The following MARCHF1 variants were observed in gnomAD, a reference collection of about 807,000 sequenced individuals.
MARCHF1 encodes the protein membrane associated ring-CH-type finger 1.
In MARCHF1, 40 loss-of-function variants were observed where a neutral mutation model predicts 54.2. That is an observed-to-expected ratio of 0.74 (90% CI 0.57 to 0.96). The LOEUF (loss-of-function observed/expected upper bound fraction) is 0.96, where lower values mean the gene tolerates loss of function less well. Ranked by LOEUF, MARCHF1 falls within the 40% of genes least tolerant of loss-of-function variation. The probability of loss-of-function intolerance (pLI) is 0.00; values close to 1 mark genes in which losing one functional copy is unlikely to be tolerated. For synonymous variants in MARCHF1, 236 were observed against 236.3 expected (o/e 1.00, Z 0.01); for missense variants, 586 against 656.5 (o/e 0.89, Z 1.17).
intron 5 of MARCHF1, among the ~76,000 whole-genome samples, chr4:163,675,016 C>G (rs183900238): frequency 6.6e-6 from 1 of 152,056 alleles, no homozygotes; most frequent in Non-Finnish European, 1.5e-5. Flanking sequence ...ATAAACTTAA[C>G]AAAAGACAGA....
In MARCHF1 at chr4:163,810,981, T is replaced by TTTG. The variant is rs974170538; in HGVS notation, c.111+43037_111+43039dup. On this transcript the variant is annotated intron_variant, in intron 4 of 9. Coordinates refer to ENST00000514618, the MANE Select transcript of MARCHF1 (RefSeq NM_001394959.1). ...ATATTGCTGTTCGTGAGAGGTACTT[T>TTTG]TTGTTGTTGTTGTTAAATTTGGGTT... 1.3e-5 allele frequency among the ~76,000 whole-genome samples: 2 copies of TTTG among 152,076 alleles called. 1 individual carries two copies. The highest frequency in any genetic ancestry group is 2.9e-5 in the Non-Finnish European group (2 of 68,008).
intron 3 of MARCHF1, chr4:163,932,818 T>G (rs911333597): frequency 6.3e-5 from 39 of 619,918 alleles, no homozygotes; most frequent in Admixed American, 9.3e-5. Context: ...CTGGAATTGT[T>G]GGATAAATAT....
chr4:163,949,990 A>C (rs1752102195), intron 3 of MARCHF1, among the ~76,000 whole-genome samples: 2 of 152,206 alleles, frequency 1.3e-5, no homozygotes, highest in Non-Finnish European at 2.9e-5. Context: ...GGGTTTTATG[A>C]ACTTTAGGAG....
chr4:164,028,208 T>G (rs980661759), intron 2 of MARCHF1, among the ~76,000 whole-genome samples: 4 of 152,174 alleles, frequency 2.6e-5, no homozygotes, highest in African/African-American at 9.7e-5. Context: ...TGACCTAGAA[T>G]TCCCATTATT....
At chr4:163,588,240 A>G (rs959903427) in intron 7 of MARCHF1, among the ~76,000 whole-genome samples, 4 of 152,148 alleles carry the variant, frequency 2.6e-5, no homozygotes, top group Non-Finnish European at 5.9e-5. Flanking sequence ...TGAAAGGCCA[A>G]TATGTTAAGG....
chr4:164,265,393 T>G (rs1050498713), intron 1 of MARCHF1, among the ~76,000 whole-genome samples: 3 of 152,000 alleles, frequency 2.0e-5, no homozygotes, highest in African/African-American at 7.3e-5. Context: ...ATTCTTTGTT[T>G]AAGAAATTCT....
chr4:164,156,476 T>C (rs1730080180), intron 1 of MARCHF1, among the ~76,000 whole-genome samples: 1 of 152,118 alleles, frequency 6.6e-6, no homozygotes, highest in African/African-American at 2.4e-5. Context: ...CAGGCTGGAG[T>C]GCAGTGGCAC....
intron 3 of MARCHF1, among the ~76,000 whole-genome samples, chr4:163,879,807 G>GTA (rs1010246119): frequency 2.7e-5 from 4 of 147,652 alleles, no homozygotes; most frequent in African/African-American, 1.0e-4. Context: ...TTAGAGGCGT[G>GTA]TGTGTGTGTG....
intron 2 of MARCHF1, among the ~76,000 whole-genome samples, chr4:164,084,113 A>G (rs1191790403): frequency 6.6e-6 from 1 of 151,982 alleles, no homozygotes; most frequent in Non-Finnish European, 1.5e-5. Flanking sequence ...TCATAGGCAA[A>G]CAAATCGAGG....
intron 8 of MARCHF1, among the ~76,000 whole-genome samples, chr4:163,572,480 A>G (rs1435207822): frequency 6.6e-6 from 1 of 152,162 alleles, no homozygotes; most frequent in Non-Finnish European, 1.5e-5. Flanking sequence ...AACCAGAATT[A>G]AAACCCAACC....
At chr4:163,868,260 GA>G (rs762830854) in intron 3 of MARCHF1, among the ~76,000 whole-genome samples, 1 of 151,716 alleles carries the variant, frequency 6.6e-6, no homozygotes, top group Non-Finnish European at 1.5e-5. Context: ...AAATTAATGA[GA>G]AAAATTTATG....
chr4:163,596,837 T>C (rs1438070571), intron 7 of MARCHF1, among the ~76,000 whole-genome samples: 1 of 152,176 alleles, frequency 6.6e-6, no homozygotes, highest in Non-Finnish European at 1.5e-5. Context: ...AGAATTGTAG[T>C]TTTGCCATTA....
At chr4:163,925,383 A>G (rs116037114) in intron 3 of MARCHF1, among the ~76,000 whole-genome samples, 1,908 of 151,908 alleles carry the variant, frequency 0.013, 32 homozygotes, top group African/African-American at 0.042. Context: ...TGAATGTACT[A>G]TGTACTCCCA....
At chr4:164,170,526 A>G (rs960937036) in intron 1 of MARCHF1, among the ~76,000 whole-genome samples, 2 of 152,120 alleles carry the variant, frequency 1.3e-5, no homozygotes, top group Non-Finnish European at 2.9e-5. Context: ...ATGAGATAAT[A>G]TATGTGACAA....
intron 1 of MARCHF1, among the ~76,000 whole-genome samples, chr4:164,276,766 A>G (rs184916278): frequency 2.0e-5 from 3 of 150,238 alleles, no homozygotes; most frequent in Non-Finnish European, 4.4e-5. Context: ...TGTAAAATGT[A>G]AAAAACAGTA....
At chr4:163,718,591 A>G (rs889169331) in intron 4 of MARCHF1, among the ~76,000 whole-genome samples, 3 of 152,244 alleles carry the variant, frequency 2.0e-5, no homozygotes, top group Admixed American at 1.3e-4. Context: ...TGTAATAGTA[A>G]CCAAACAGTC....
At chr4:163,631,361 G>A (rs1215623080) in intron 5 of MARCHF1, among the ~76,000 whole-genome samples, 1 of 152,072 alleles carries the variant, frequency 6.6e-6, no homozygotes, top group Non-Finnish European at 1.5e-5. Context: ...CTCAGCTAAC[G>A]TCTTTATTTT....
intron 1 of MARCHF1, among the ~76,000 whole-genome samples, chr4:164,180,936 GACA>G (rs1730817631): frequency 6.6e-6 from 1 of 152,080 alleles, no homozygotes; most frequent in African/African-American, 2.4e-5. Context: ...ATCCATTCTA[GACA>G]ACATTTACCT....
At chr4:163,820,378 C>G (rs2111050211) in intron 4 of MARCHF1, among the ~76,000 whole-genome samples, 1 of 152,118 alleles carries the variant, frequency 6.6e-6, no homozygotes, top group South Asian at 2.1e-4. Context: ...TCTAGTCTAC[C>G]CTTCACTACT....
Sources: allele counts gnomAD v4.1 joint callset (sites outside exome capture counted in the v4.1 genomes callset), GRCh38; gene constraint gnomAD v4.1.1; transcripts MANE v1.5; gene names NCBI Gene and HGNC (gene_info 2026-07-23, HGNC 2026-07-21).